The following TANC2 variants were observed in gnomAD, a reference collection of about 807,000 sequenced individuals.
The protein encoded by TANC2 is tetratricopeptide repeat, ankyrin repeat and coiled-coil containing 2.
In TANC2, 26 loss-of-function variants were observed where a neutral mutation model predicts 210.5. That is an observed-to-expected ratio of 0.12 (90% CI 0.09 to 0.17). The LOEUF (loss-of-function observed/expected upper bound fraction) is 0.17. Among genes scored for constraint, TANC2 ranks in the 10% least tolerant of loss-of-function variants. The pLI is 1.00. For missense variants in TANC2, 2,129 were observed against 2,608.9 expected, an observed-to-expected ratio of 0.82 and a Z score of 4.01; for synonymous variants, 931 against 967.1, an observed-to-expected ratio of 0.96 and a Z score of 0.69.
chr17:63,154,114 G>C (rs562113657), intron 5 of TANC2: 2 of 152,262 alleles, frequency 1.3e-5, no homozygotes, highest in East Asian at 3.9e-4. Context: ...CAAACAGTAT[G>C]TTTTGGTTCT....
chr17:63,424,138 C>T (rs1229499195), exon 28 of TANC2: 1 of 152,156 alleles, frequency 6.6e-6, no homozygotes, highest in Non-Finnish European at 1.5e-5. Flanking sequence ...TGGAACGCCA[C>T]ACACCACCCG....
At chr17:62,986,599 C>T (rs2032577769) in intron 1 of TANC2, among the ~76,000 whole-genome samples, 1 of 151,776 alleles carries the variant, frequency 6.6e-6, no homozygotes, top group Non-Finnish European at 1.5e-5. Context: ...TGGGGGTGAC[C>T]TGTGAGGCTG....
chr17:63,079,947 T>C (rs957447167), intron 3 of TANC2, among the ~76,000 whole-genome samples: 1 of 152,226 alleles, frequency 6.6e-6, no homozygotes, highest in African/African-American at 2.4e-5. Flanking sequence ...GCTCTTGAAA[T>C]GTGACTGTAA....
chr17:63,415,645 A>C, exon 26 of TANC2: 1 of 1,612,180 alleles, frequency 6.2e-7, no homozygotes, highest in South Asian at 1.1e-5. Context: ...TCTCCTCCTC[A>C]ACCTCTCTCG....
At chr17:63,241,558 A>G (rs1424241674) in intron 8 of TANC2, among the ~76,000 whole-genome samples, 2 of 152,198 alleles carry the variant, frequency 1.3e-5, no homozygotes, top group African/African-American at 4.8e-5. Flanking sequence ...CTACCACAAC[A>G]GAGTTCAGTT....
intron 8 of TANC2, among the ~76,000 whole-genome samples, chr17:63,241,130 G>C (rs1025243186): frequency 6.6e-6 from 1 of 152,068 alleles, no homozygotes; most frequent in African/African-American, 2.4e-5. Context: ...CTTCTCATAG[G>C]AGAGATTACC....
chr17:63,098,432 ACACAC>A (rs2037471652), intron 3 of TANC2, among the ~76,000 whole-genome samples: 1 of 6,738 alleles, frequency 1.5e-4, no homozygotes, highest in Admixed American at 1.1e-3. Flanking sequence ...GCCTTAGACT[ACACAC>A]ACACACACAC....
intron 5 of TANC2, among the ~76,000 whole-genome samples, chr17:63,188,182 G>A (rs184992954): frequency 6.6e-6 from 1 of 152,064 alleles, no homozygotes; most frequent in East Asian, 1.9e-4. Flanking sequence ...GCTGGCCAGG[G>A]TGACATGCAC....
intron 7 of TANC2, among the ~76,000 whole-genome samples, chr17:63,207,761 C>T (rs986020568): frequency 9.9e-5 from 15 of 152,054 alleles, no homozygotes. Flanking sequence ...GTGAAATTGT[C>T]AGATTATTAG....
intron 2 of TANC2, among the ~76,000 whole-genome samples, chr17:63,044,707 G>C (rs1488014382): frequency 6.6e-6 from 1 of 152,080 alleles, no homozygotes; most frequent in Admixed American, 6.6e-5. Flanking sequence ...AGAAGTGTCT[G>C]AGAGTTTTTT....
At chr17:63,261,932 T>C (rs2043369630) in intron 8 of TANC2, among the ~76,000 whole-genome samples, 2 of 152,238 alleles carry the variant, frequency 1.3e-5, no homozygotes. Flanking sequence ...TATGTTTAGA[T>C]GATATAACAC....
At chr17:63,137,118 A>T (rs2039117255) in intron 4 of TANC2, among the ~76,000 whole-genome samples, 1 of 152,166 alleles carries the variant, frequency 6.6e-6, no homozygotes, top group Non-Finnish European at 1.5e-5. Context: ...CTGACCAGAA[A>T]GATCTTGTTA....
chr17:63,401,951 A>G (rs924384819), intron 19 of TANC2, among the ~76,000 whole-genome samples: 4 of 152,156 alleles, frequency 2.6e-5, no homozygotes, highest in Non-Finnish European at 5.9e-5. Context: ...TTCTGCCTCT[A>G]GCCTCACCCT....
chr17:63,421,544 G>A lies in TANC2; in HGVS notation c.5814G>A (p.Arg1938=). Residue 1938 remains arginine, a synonymous_variant, in exon 28 of 28, where the codon CGG becomes CGA. Transcript: ENST00000689528. The surrounding 1 kb of genome is among the most constrained non-coding windows in gnomAD (Gnocchi z 6.9). The stretch of plus-strand genomic sequence containing the variant: ...TGGGGATCATAGATAAAACAGCACG[G>A]ACTCAGCAGTACCCCCACCTCCACC... The A allele has an allele frequency of 6.2e-7, 1 of 1,613,986 alleles. No individual in the cohort carries two copies. The highest frequency in any genetic ancestry group is 8.5e-7 in the Non-Finnish European group (1 of 1,179,884).
intron 4 of TANC2, among the ~76,000 whole-genome samples, chr17:63,102,617 C>T (rs917294528): frequency 1.1e-4 from 17 of 151,050 alleles, no homozygotes; most frequent in Non-Finnish European, 2.1e-4. Context: ...GCTATCCCTC[C>T]CCCCTCCTCC....
intron 4 of TANC2, among the ~76,000 whole-genome samples, chr17:63,129,776 ATATC>A (rs2145208221): frequency 6.6e-6 from 1 of 152,252 alleles, no homozygotes; most frequent in East Asian, 1.9e-4. Flanking sequence ...GTAATCTTAT[ATATC>A]TATACAGTTA....
intron 1 of TANC2, among the ~76,000 whole-genome samples, chr17:62,979,595 C>G (rs1330987194): frequency 6.6e-6 from 1 of 152,124 alleles, no homozygotes; most frequent in Non-Finnish European, 1.5e-5. Context: ...TTTCTCTTCT[C>G]TTGCTTTTCT....
intron 11 of TANC2, among the ~76,000 whole-genome samples, chr17:63,324,603 A>G (rs2045589025): frequency 6.6e-6 from 1 of 152,210 alleles, no homozygotes. Flanking sequence ...TCCAAACTAA[A>G]CAACACATAC....
chr17:63,410,860 C>CAAAA (rs34268418), intron 21 of TANC2, among the ~76,000 whole-genome samples: 66 of 38,996 alleles, frequency 1.7e-3, no homozygotes, highest in Middle Eastern at 0.033. Flanking sequence ...GACTCCATCT[C>CAAAA]AAAAAAAAAA....
Sources: allele counts gnomAD v4.1 joint callset (sites outside exome capture counted in the v4.1 genomes callset), GRCh38; gene constraint gnomAD v4.1.1; non-coding constraint Gnocchi (gnomAD v3.1); transcripts MANE v1.5; gene names NCBI Gene and HGNC (gene_info 2026-07-23, HGNC 2026-07-21).